The following SLC12A6 variants were observed in gnomAD, a reference collection of about 807,000 sequenced individuals.
The protein encoded by SLC12A6 is K-Cl cotransporter 3.
SLC12A6 carries 66 observed loss-of-function variants against 135.3 expected under a neutral mutation model. The observed-to-expected ratio is 0.49, with a 90% CI of 0.40 to 0.60. SLC12A6 has a LOEUF of 0.60. SLC12A6 is among the 20% of genes least tolerant of loss of function. The pLI is 0.00. For synonymous variants in SLC12A6, 513 were observed against 508.8 expected (o/e 1.01, Z -0.11); for missense variants, 1,058 against 1,452.3 (o/e 0.73, Z 4.41).
intron 3 of SLC12A6, among the ~76,000 whole-genome samples, chr15:34,265,668 A>G (rs1044095310): frequency 6.6e-6 from 1 of 152,202 alleles, no homozygotes; most frequent in Non-Finnish European, 1.5e-5. Context: ...TGTGAAGACA[A>G]TGAACCTGGT....
In SLC12A6 at chr15:34,315,816, A is replaced by G. The variant is rs187726313; in HGVS notation, c.271+20594T>C. ...AACACGGTGAAACCCCATCTCTACT[A>G]AGAATACAAAAAATTAGCCAGGTGT... On this transcript the variant is annotated intron_variant, in intron 2 of 25. Coordinates refer to ENST00000354181, the MANE Select transcript of SLC12A6 (RefSeq NM_001365088.1). Among the ~76,000 whole-genome samples the G allele has an allele frequency of 3.2e-3, 488 of 152,194 alleles. 2 individuals carry two copies. Among genetic ancestry groups the G allele is most frequent in the Non-Finnish European group, 5.1e-3 (347 of 68,006 alleles).
In SLC12A6 at chr15:34,277,604, G is replaced by A. The variant is rs866482370; in HGVS notation, c.272-2215C>T. 4.4e-4 allele frequency among the ~76,000 whole-genome samples: 67 copies of A among 152,296 alleles called. 1 individual carries two copies. Among genetic ancestry groups the A allele is most frequent in the African/African-American group, 1.6e-3 (65 of 41,562 alleles). ...GCATGTAGCTGGCATGAAAAGAAGA[G>A]TAGAGAAAGCATAACAGAATTTTAG... On this transcript the variant is annotated intron_variant, in intron 2 of 25. Transcript: ENST00000354181.
chr15:34,327,768 T>G (rs980786712), intron 2 of SLC12A6, among the ~76,000 whole-genome samples: 3 of 152,246 alleles, frequency 2.0e-5, no homozygotes, highest in Admixed American at 2.0e-4. Flanking sequence ...AACGTGGATG[T>G]GTACATAAGA....
intron 2 of SLC12A6, among the ~76,000 whole-genome samples, chr15:34,318,382 G>A (rs1252092690): frequency 6.6e-6 from 1 of 152,216 alleles, no homozygotes; most frequent in Non-Finnish European, 1.5e-5. Flanking sequence ...ACAATCCAGT[G>A]TGTGAGAAAA....
At chr15:34,278,225 G>A (rs760557613) in intron 2 of SLC12A6, among the ~76,000 whole-genome samples, 32 of 151,990 alleles carry the variant, frequency 2.1e-4, no homozygotes, top group Admixed American at 9.2e-4. Context: ...TCAGGAGTTC[G>A]AGACCAGCCT....
chr15:34,256,076 G>C (rs564891075), intron 7 of SLC12A6, among the ~76,000 whole-genome samples, 153 bp downstream of exon 7: 2 of 152,312 alleles, frequency 1.3e-5, no homozygotes, highest in South Asian at 2.1e-4. Context: ...AAGTCAAGTA[G>C]TATTATGTCT....
chr15:34,261,095 A>G (rs1027399962), intron 3 of SLC12A6, 75 bp from the exon 4 acceptor site: 11 of 813,702 alleles, frequency 1.4e-5, no homozygotes, highest in Non-Finnish European at 2.4e-5. Context: ...AGATAAGTGC[A>G]GGTTGCTTCG....
rs71702457 is a variant in SLC12A6 at position 34,229,908 on chromosome 15, CTCTT to C, written c.*3969_*3972del. On this transcript the variant is annotated 3_prime_UTR_variant, in exon 26 of 26. Transcript: ENST00000354181. ...ACTTATGTTAAAAAGAACCAAAAGA[CTCTT>C]TTCTCCATGGTGGGGTGACAGGTCC... The C allele has an allele frequency of 1.1e-5, 8 of 719,496 alleles. No individual in the cohort carries two copies. The highest frequency in any genetic ancestry group is 1.3e-5 in the Non-Finnish European group (6 of 458,240). The allele number at this position is 719,496 out of a possible 1,614,324, so 44.6% of individuals were successfully genotyped here.
Position 34,250,746 on chromosome 15 carries a change from GA to G in SLC12A6, c.1493-18del. The G allele has an allele frequency of 1.3e-6, 2 of 1,509,550 alleles. No individual in the cohort carries two copies. Among genetic ancestry groups the G allele is most frequent in the South Asian group, 1.1e-5 (1 of 88,948 alleles). The allele number at this position is 1,509,550 out of a possible 1,614,324, so 93.5% of individuals were successfully genotyped here. A position where few individuals can be genotyped will look rare whatever the true frequency, so the allele number is the denominator to read the frequency against. On this transcript the variant is annotated intron_variant, in intron 11 of 25. Coordinates refer to ENST00000354181, the MANE Select transcript of SLC12A6 (RefSeq NM_001365088.1). Reference sequence around the variant, plus strand: ...CCATGATACCTTTAGAGATAAGGGGGAAAAAACCAAGTTAACTTCTTGGACA... The same window carrying G: ...CCATGATACCTTTAGAGATAAGGGGGAAAAACCAAGTTAACTTCTTGGACA...
At chr15:34,337,868 C>A (rs377396660), upstream of SLC12A6, 1 of 152,274 alleles carries the variant, frequency 6.6e-6, no homozygotes, top group Non-Finnish European at 1.5e-5. Flanking sequence ...AGTTACGTGA[C>A]CTGGCCTCCC....
At chr15:34,235,980 A>G in intron 24 of SLC12A6, 35 bp downstream of exon 24, 1 of 1,539,598 alleles carries the variant, frequency 6.5e-7, no homozygotes, top group South Asian at 1.1e-5. Context: ...CTGATTAGGT[A>G]ATTTTATGAT....
intron 2 of SLC12A6, among the ~76,000 whole-genome samples, chr15:34,335,415 T>C (rs772817727): frequency 6.6e-6 from 1 of 152,240 alleles, no homozygotes; most frequent in Non-Finnish European, 1.5e-5. Flanking sequence ...TGAGTAAGCC[T>C]TGCTTTCACA....
rs544491312 is a variant in SLC12A6 at position 34,290,662 on chromosome 15, T to C, written c.272-15273A>G. Reference sequence around the variant, plus strand: ...TGCTTTATGAATCTGGGTGCTCCTGTATTGGGTGCATATACATTTAGGATA... The same window carrying C: ...TGCTTTATGAATCTGGGTGCTCCTGCATTGGGTGCATATACATTTAGGATA... On this transcript the variant is annotated intron_variant, in intron 2 of 25. Transcript: ENST00000354181. Among the ~76,000 whole-genome samples, 5 of 152,328 alleles carry C rather than the reference T, an allele frequency of 3.3e-5. No individual in the cohort carries two copies. In the East Asian group the frequency reaches 9.6e-4, roughly 29 times the overall value.
chr15:34,288,390 G>A (rs567460419), intron 2 of SLC12A6, among the ~76,000 whole-genome samples: 2 of 152,326 alleles, frequency 1.3e-5, no homozygotes, highest in South Asian at 2.1e-4. Context: ...CTGTAGCCTC[G>A]TAGCAAAGTT....
chr15:34,309,401 T>C (rs923689447), intron 2 of SLC12A6, among the ~76,000 whole-genome samples: 4 of 152,188 alleles, frequency 2.6e-5, no homozygotes, highest in Admixed American at 2.6e-4. Context: ...AATATGCATA[T>C]TTTATAGCAA....
intron 2 of SLC12A6, among the ~76,000 whole-genome samples, chr15:34,334,302 T>C (rs1164523033): frequency 1.3e-5 from 2 of 152,140 alleles, no homozygotes; most frequent in Non-Finnish European, 2.9e-5. Flanking sequence ...AACTGTGAAA[T>C]GCACTATGAG....
chr15:34,262,351 C>T (rs1398665270), intron 3 of SLC12A6, among the ~76,000 whole-genome samples: 2 of 152,136 alleles, frequency 1.3e-5, no homozygotes, highest in African/African-American at 2.4e-5. Context: ...AGAGAGACCA[C>T]CCTCGCATGC....
chr15:34,240,927 T>C (rs951316697), intron 18 of SLC12A6, 98 bp from the exon 19 acceptor site: 21 of 934,282 alleles, frequency 2.2e-5, no homozygotes, highest in African/African-American at 6.5e-5. Flanking sequence ...GAGATCTGTA[T>C]GAAACAGGTA....
At chr15:34,319,882 G>C (rs199653051) in intron 2 of SLC12A6, among the ~76,000 whole-genome samples, 7 of 141,802 alleles carry the variant, frequency 4.9e-5, no homozygotes, top group African/African-American at 1.8e-4. Context: ...TTGTTTCAAA[G>C]AAAAAAAAAA....
Sources: allele counts gnomAD v4.1 joint callset (sites outside exome capture counted in the v4.1 genomes callset), GRCh38; gene constraint gnomAD v4.1.1; transcripts MANE v1.5; gene names NCBI Gene and HGNC (gene_info 2026-07-23, HGNC 2026-07-21).